Variants in MAPRE2 observed in about 807,000 individuals in gnomAD.
MAPRE2 encodes the protein microtubule-associated protein RP/EB family member 2.
A neutral mutation model predicts 43.2 loss-of-function variants in MAPRE2; 13 were observed. The observed-to-expected ratio is 0.30, with a 90% CI of 0.20 to 0.48. The LOEUF (loss-of-function observed/expected upper bound fraction) is 0.48, where lower values mean the gene tolerates loss of function less well. Ranked by LOEUF, MAPRE2 falls within the 20% of genes least tolerant of loss-of-function variation. MAPRE2 has a pLI of 0.99. For missense variants in MAPRE2, 161 were observed against 400.2 expected (o/e 0.40, Z 5.10); for synonymous variants, 135 against 148.8 (o/e 0.91, Z 0.68).
chr18:35,056,166 TC>T (rs1285835704), intron 1 of MAPRE2, among the ~76,000 whole-genome samples: 2 of 152,158 alleles, frequency 1.3e-5, no homozygotes, highest in African/African-American at 4.8e-5. Flanking sequence ...TTTACTAGCA[TC>T]CTACTTTAAG....
intron 2 of MAPRE2, among the ~76,000 whole-genome samples, chr18:35,016,055 T>C (rs937222262): frequency 6.6e-6 from 1 of 151,928 alleles, no homozygotes; most frequent in African/African-American, 2.4e-5. Context: ...GTGGTATTGG[T>C]TTTCTATATC....
intron 2 of MAPRE2, among the ~76,000 whole-genome samples, chr18:35,085,480 A>G (rs768934365): frequency 6.6e-6 from 1 of 152,248 alleles, no homozygotes; most frequent in Non-Finnish European, 1.5e-5. Context: ...GTTAATGTCA[A>G]GATCTCAAAG....
At chr18:35,069,512 G>A (rs1907003585) in intron 1 of MAPRE2, among the ~76,000 whole-genome samples, 1 of 152,088 alleles carries the variant, frequency 6.6e-6, no homozygotes, top group Non-Finnish European at 1.5e-5. Flanking sequence ...GGAGTTGATA[G>A]GAGTATAAAT....
intron 1 of MAPRE2, among the ~76,000 whole-genome samples, chr18:34,979,567 G>A (rs1017845652): frequency 6.6e-6 from 1 of 151,668 alleles, no homozygotes; most frequent in Non-Finnish European, 1.5e-5. Flanking sequence ...AACTTTCTTG[G>A]TGGGAAGCAT....
intron 5 of MAPRE2, among the ~76,000 whole-genome samples, chr18:35,131,292 T>C (rs1157258756): frequency 6.6e-6 from 1 of 152,210 alleles, no homozygotes; most frequent in African/African-American, 2.4e-5. Context: ...TCTGTTCTGC[T>C]TCTCTTTCCT....
intron 6 of MAPRE2, among the ~76,000 whole-genome samples, chr18:35,132,542 G>A (rs1385957244): frequency 6.6e-6 from 1 of 152,220 alleles, no homozygotes; most frequent in African/African-American, 2.4e-5. Flanking sequence ...AGTACAGAGT[G>A]TAGTTAAAGG....
intron 1 of MAPRE2, among the ~76,000 whole-genome samples, chr18:35,043,615 C>A (rs1905473237): frequency 6.6e-6 from 1 of 152,124 alleles, no homozygotes; most frequent in Non-Finnish European, 1.5e-5. Context: ...ATGTAAAAAA[C>A]AAAACTGAAT....
intron 4 of MAPRE2, 97 bp from the exon 5 acceptor site, chr18:35,126,851 T>C (rs1446589189): frequency 4.3e-5 from 44 of 1,029,030 alleles, no homozygotes; most frequent in Non-Finnish European, 6.1e-5. Flanking sequence ...ATCTCTTATA[T>C]GTTGTTGTAA....
chr18:35,063,328 T>C (rs184926585), intron 1 of MAPRE2, among the ~76,000 whole-genome samples: 8,943 of 152,072 alleles, frequency 0.059, 363 homozygotes, highest in South Asian at 0.13. Flanking sequence ...AGGATGGTCT[T>C]GATCTCCTGA....
At position 35,046,794 on chromosome 18, in the gene MAPRE2, G is replaced by A. The variant is rs190118157; in HGVS notation, c.122+5133G>A. Among the ~76,000 whole-genome samples, 490 of 152,332 alleles carry A rather than the reference G, an allele frequency of 3.2e-3. 2 individuals carry two copies. Among genetic ancestry groups the A allele is most frequent in the Non-Finnish European group, 4.4e-3 (296 of 68,034 alleles). ...AGGTAGATGTTCTCTGGCTCAGGATGTCTTTCCTTGAGTAGAAGCAATGAA... is the reference window on the plus strand; with the variant it reads ...AGGTAGATGTTCTCTGGCTCAGGATATCTTTCCTTGAGTAGAAGCAATGAA... On this transcript the variant is annotated intron_variant, in intron 1 of 6. Transcript: ENST00000300249.
chr18:35,009,538 G>C (rs2150582381), intron 2 of MAPRE2, among the ~76,000 whole-genome samples: 1 of 152,312 alleles, frequency 6.6e-6, no homozygotes, highest in South Asian at 2.1e-4. Context: ...TTCATCATCA[G>C]TTATTGTGTC....
At chr18:35,019,397 G>A (rs273353) in intron 2 of MAPRE2, among the ~76,000 whole-genome samples, 85,572 of 151,618 alleles carry the variant, frequency 0.56, 25,047 homozygotes, top group East Asian at 0.71. Flanking sequence ...TCTGTGGTTG[G>A]TGGAGTATTC....
intron 2 of MAPRE2, among the ~76,000 whole-genome samples, chr18:35,026,691 C>T (rs113992239): frequency 1.2e-4 from 18 of 152,320 alleles, no homozygotes; most frequent in African/African-American, 4.3e-4. Context: ...AGTTTACCTG[C>T]ATCTGTACCC....
At chr18:35,066,494 A>G (rs928793892) in intron 1 of MAPRE2, among the ~76,000 whole-genome samples, 2 of 152,224 alleles carry the variant, frequency 1.3e-5, no homozygotes, top group African/African-American at 4.8e-5. Flanking sequence ...GTATCCACCT[A>G]GGGACTAGGA....
chr18:35,093,991 A>C (rs1908286324), intron 2 of MAPRE2, among the ~76,000 whole-genome samples: 1 of 152,204 alleles, frequency 6.6e-6, no homozygotes, highest in Non-Finnish European at 1.5e-5. Flanking sequence ...AGAGTTTTTC[A>C]AATCATAGCA....
chr18:35,097,674 C>A, intron 3 of MAPRE2, 83 bp downstream of exon 3: 2 of 1,239,982 alleles, frequency 1.6e-6, no homozygotes, highest in Non-Finnish European at 2.3e-6. Context: ...CAGGAGCATA[C>A]CAATGGGATA....
intron 2 of MAPRE2, among the ~76,000 whole-genome samples, chr18:35,031,549 A>C (rs1256224086): frequency 2.6e-5 from 4 of 152,230 alleles, no homozygotes; most frequent in Non-Finnish European, 4.4e-5. Context: ...TAATGCTCTG[A>C]GTATTTTTAA....
At chr18:35,135,582 G>A (rs1428860615) in intron 6 of MAPRE2, among the ~76,000 whole-genome samples, 2 of 152,126 alleles carry the variant, frequency 1.3e-5, no homozygotes, top group Non-Finnish European at 2.9e-5. Flanking sequence ...CTATGTCTAT[G>A]GTCTGGAAAA....
At chr18:35,071,483 T>C (rs1907114759) in intron 2 of MAPRE2, among the ~76,000 whole-genome samples, 1 of 152,256 alleles carries the variant, frequency 6.6e-6, no homozygotes, top group Non-Finnish European at 1.5e-5. Context: ...AAACAGGGAA[T>C]GTTTCCTTCC....
Sources: gnomAD v4.1 joint callset for allele counts (sites outside exome capture counted in the v4.1 genomes callset) on GRCh38, gnomAD v4.1.1 for gene constraint, MANE v1.5 for transcripts, NCBI Gene and HGNC (gene_info 2026-07-23, HGNC 2026-07-21) for gene names.